PTPRO: variants seen among roughly 807,000 people sequenced by gnomAD.
The protein encoded by PTPRO is protein tyrosine phosphatase receptor type O.
Under a neutral mutation model 145.2 loss-of-function variants are expected in PTPRO, and 62 were observed. That is an observed-to-expected ratio of 0.43 (90% CI 0.35 to 0.53). PTPRO has a LOEUF of 0.53. PTPRO is among the 20% of genes least tolerant of loss of function. PTPRO has a pLI of 0.01. For synonymous variants in PTPRO, 565 were observed against 514.7 expected, an observed-to-expected ratio of 1.10 and a Z score of -1.32; for missense variants, 1,345 against 1,482.7, an observed-to-expected ratio of 0.91 and a Z score of 1.53.
rs563178470 is a variant in PTPRO at position 15,461,757 on chromosome 12, G to A, written c.76-22217G>A. 4.3e-4 allele frequency among the ~76,000 whole-genome samples: 65 copies of A among 151,862 alleles called. 1 individual carries two copies. Among genetic ancestry groups the A allele is most frequent in the African/African-American group, 1.5e-3 (63 of 41,454 alleles). ...TAATTTTTGTATTTTTAGCAGAGAT[G>A]GGGTTTCACCGTGTTGGCCATGATG... is the stretch of plus-strand genomic sequence containing the variant. On this transcript the variant is annotated intron_variant, in intron 1 of 26. Coordinates refer to ENST00000281171, the MANE Select transcript of PTPRO (RefSeq NM_030667.3).
chr12:15,499,323 A>G, intron 3 of PTPRO, 119 bp from the exon 4 acceptor site: 2 of 1,012,118 alleles, frequency 2.0e-6, no homozygotes, highest in Non-Finnish European at 3.1e-6. Context: ...TACTGCCCAT[A>G]ACAGTAGTTG....
At chr12:15,419,145 C>T (rs1231979240) in intron 1 of PTPRO, among the ~76,000 whole-genome samples, 1 of 151,190 alleles carries the variant, frequency 6.6e-6, no homozygotes, top group Non-Finnish European at 1.5e-5. Context: ...CACAAATCAG[C>T]TACAAATTTT....
chr12:15,394,346 G>A (rs760048981), intron 1 of PTPRO, among the ~76,000 whole-genome samples: 6 of 152,022 alleles, frequency 3.9e-5, no homozygotes, highest in Non-Finnish European at 1.5e-5. Flanking sequence ...AGAGTAATCT[G>A]CTTTATTTCT....
intron 1 of PTPRO, among the ~76,000 whole-genome samples, chr12:15,454,643 A>G (rs931559802): frequency 1.3e-5 from 2 of 152,176 alleles, no homozygotes; most frequent in African/African-American, 4.8e-5. Context: ...GTCATATCCA[A>G]CAAATCACTA....
At chr12:15,385,136 G>A (rs188594063) in intron 1 of PTPRO, among the ~76,000 whole-genome samples, 2 of 151,876 alleles carry the variant, frequency 1.3e-5, no homozygotes, top group East Asian at 3.9e-4. Context: ...ACAATTTACA[G>A]GGCTGAAAAT....
At chr12:15,545,516 G>A (rs1047727583) in intron 12 of PTPRO, among the ~76,000 whole-genome samples, 3 of 151,156 alleles carry the variant, frequency 2.0e-5, no homozygotes, top group Admixed American at 2.0e-4. Context: ...AATGGAGAAT[G>A]AGACAGCAGA....
intron 1 of PTPRO, among the ~76,000 whole-genome samples, chr12:15,424,509 T>C (rs1161962086): frequency 6.6e-6 from 1 of 152,018 alleles, no homozygotes; most frequent in African/African-American, 2.4e-5. Context: ...AGAAATAAAC[T>C]AGTGATGGCC....
intron 1 of PTPRO, among the ~76,000 whole-genome samples, chr12:15,442,893 C>G (rs570867398): frequency 6.6e-6 from 1 of 151,924 alleles, no homozygotes; most frequent in Non-Finnish European, 1.5e-5. Flanking sequence ...ATTGGCCATG[C>G]TGCCCAAAGC....
At chr12:15,450,703 G>T (rs1591822527) in intron 1 of PTPRO, among the ~76,000 whole-genome samples, 1 of 152,014 alleles carries the variant, frequency 6.6e-6, no homozygotes, top group Middle Eastern at 3.4e-3. Context: ...AGCCTGAGAG[G>T]TTAAGGCCAT....
At chr12:15,487,389 G>T (rs564687219) in intron 2 of PTPRO, among the ~76,000 whole-genome samples, 5 of 152,078 alleles carry the variant, frequency 3.3e-5, no homozygotes, top group African/African-American at 1.2e-4. Flanking sequence ...AGGAACAGGC[G>T]TCTTTTGTTT....
chr12:15,566,066 GA>G (rs1169185118), intron 18 of PTPRO, among the ~76,000 whole-genome samples: 1 of 152,128 alleles, frequency 6.6e-6, no homozygotes, highest in Non-Finnish European at 1.5e-5. Flanking sequence ...GCTTTCTCAA[GA>G]AACCTGTATA....
rs181523558 is a variant in PTPRO at position 15,422,922 on chromosome 12, C to A, written c.76-61052C>A. 4.9e-3 allele frequency among the ~76,000 whole-genome samples: 746 copies of A among 152,282 alleles called. 8 individuals carry two copies. The highest frequency in any genetic ancestry group is 0.017 in the African/African-American group (724 of 41,554). ...CCTCCAGATAATAATGAGATTGTCA[C>A]ATCTATCAATTTCTATGTATGTATT... On this transcript the variant is annotated intron_variant, in intron 1 of 26. Coordinates refer to ENST00000281171, the MANE Select transcript of PTPRO (RefSeq NM_030667.3).
At chr12:15,427,401 T>A (rs1291113673) in intron 1 of PTPRO, among the ~76,000 whole-genome samples, 1 of 152,014 alleles carries the variant, frequency 6.6e-6, no homozygotes, top group African/African-American at 2.4e-5. Context: ...TCTAATTGTA[T>A]CTTGCTGATA....
At position 15,549,168 on chromosome 12, in the gene PTPRO, C is replaced by T. The variant is rs575180162; in HGVS notation, c.2379C>T (p.Val793=). ...LLPATAYNCS[V]TSFSHDSPSV... is the part of the protein sequence containing the mutation. ...CTGCCACTGCCTACAATTGTAGTGT[C>T]ACCAGCTTTAGCCATGACAGCCCCA... The change falls in exon 14 of 27, where the codon GTC becomes GTT. Residue 793 remains valine, a synonymous_variant. Transcript: ENST00000281171. 1 of 1,611,666 alleles carries T rather than the reference C, an allele frequency of 6.2e-7. No homozygotes were observed. The highest frequency in any genetic ancestry group is 8.5e-7 in the Non-Finnish European group (1 of 1,179,560).
intron 1 of PTPRO, chr12:15,439,938 T>G (rs1940712789): frequency 1.0e-5 from 7 of 679,406 alleles, no homozygotes; most frequent in Admixed American, 2.0e-5. Flanking sequence ...CACATCGGTC[T>G]GGGTGTTAAG....
At chr12:15,432,737 A>T (rs191651903) in intron 1 of PTPRO, among the ~76,000 whole-genome samples, 1 of 152,150 alleles carries the variant, frequency 6.6e-6, no homozygotes, top group African/African-American at 2.4e-5. Flanking sequence ...TTTGATTTGC[A>T]TTTCTCTAAT....
chr12:15,508,696 G>T lies in PTPRO; in HGVS notation c.1393G>T (p.Val465Leu). The change falls in exon 7 of 27, where the codon GTG becomes TTG. Residue 465 changes from valine to leucine, a missense_variant. This residue lies in a region of PTPRO where 1,130 missense variants were observed against 1,214.7 expected (regional missense o/e 0.93). Coordinates refer to ENST00000281171, the MANE Select transcript of PTPRO (RefSeq NM_030667.3). ...SSQENYNSTI[V>L]SVVSLTCQKQ... Reference sequence around the variant, plus strand: ...CCAAGAGAACTACAACAGCACCATTGTGTCTGTGGTGTCGCTGACCTGCCA... The same window carrying T: ...CCAAGAGAACTACAACAGCACCATTTTGTCTGTGGTGTCGCTGACCTGCCA... The T allele has an allele frequency of 6.2e-7, 1 of 1,614,116 alleles. No individual in the cohort carries two copies. The highest frequency in any genetic ancestry group is 8.5e-7 in the Non-Finnish European group (1 of 1,180,004).
chr12:15,364,145 T>C (rs1308167753), intron 1 of PTPRO, among the ~76,000 whole-genome samples: 1 of 152,124 alleles, frequency 6.6e-6, no homozygotes, highest in East Asian at 1.9e-4. Flanking sequence ...TCTAGGAATA[T>C]GATGTATAAA....
intron 1 of PTPRO, among the ~76,000 whole-genome samples, chr12:15,324,750 G>A (rs1053592384): frequency 2.6e-5 from 4 of 152,004 alleles, no homozygotes; most frequent in Admixed American, 1.3e-4. Flanking sequence ...TCTATGTGCT[G>A]GTTTTTTAGG....
Sources: gnomAD v4.1 joint callset for allele counts (sites outside exome capture counted in the v4.1 genomes callset) on GRCh38, gnomAD v4.1.1 for gene constraint, gnomAD v4.1.1 regional missense constraint, MANE v1.5 for transcripts, NCBI Gene and HGNC (gene_info 2026-07-23, HGNC 2026-07-21) for gene names.